Variants in NSRP1 observed in about 807,000 individuals in gnomAD.
NSRP1 encodes the protein coiled-coil domain containing 55.
A neutral mutation model predicts 54.7 loss-of-function variants in NSRP1; 24 were observed. The observed-to-expected ratio is 0.44, with a 90% CI of 0.32 to 0.62. The LOEUF (loss-of-function observed/expected upper bound fraction) is 0.62, where lower values mean the gene tolerates loss of function less well. Ranked by LOEUF, NSRP1 falls within the 20% of genes least tolerant of loss-of-function variation. The pLI is 0.06. For missense variants in NSRP1, 596 were observed against 651.2 expected, an observed-to-expected ratio of 0.92 and a Z score of 0.92; for synonymous variants, 210 against 213.8, an observed-to-expected ratio of 0.98 and a Z score of 0.15.
chr17:30,162,024 C>CTT (rs200678690), intron 2 of NSRP1, among the ~76,000 whole-genome samples: 4 of 127,584 alleles, frequency 3.1e-5, no homozygotes, highest in Non-Finnish European at 4.9e-5. Flanking sequence ...ATAGCCATGT[C>CTT]TTTTTTTTTT....
chr17:30,167,571 T>G (rs1054918818), intron 2 of NSRP1, among the ~76,000 whole-genome samples: 2 of 151,934 alleles, frequency 1.3e-5, no homozygotes, highest in Non-Finnish European at 2.9e-5. Flanking sequence ...ATCGCACCAC[T>G]GCACTCCAGT....
chr17:30,137,798 G>GT (rs1399975355), intron 2 of NSRP1, among the ~76,000 whole-genome samples: 1 of 151,894 alleles, frequency 6.6e-6, no homozygotes, highest in Non-Finnish European at 1.5e-5. Flanking sequence ...CTTAGTCTTG[G>GT]TGTATTATTC....
chr17:30,169,848 A>G (rs1904862028), intron 2 of NSRP1, among the ~76,000 whole-genome samples: 1 of 145,318 alleles, frequency 6.9e-6, no homozygotes, highest in Non-Finnish European at 1.5e-5. Flanking sequence ...ATTACCATGA[A>G]AAAAAAAAAG....
At chr17:30,178,901 C>G (rs1488581804) in intron 4 of NSRP1, among the ~76,000 whole-genome samples, 189 bp from the exon 5 acceptor site, 1 of 151,898 alleles carries the variant, frequency 6.6e-6, no homozygotes, top group African/African-American at 2.4e-5. Context: ...CAATTTCTAT[C>G]TCTGCTACAC....
rs1236967190 is a variant in NSRP1, at chr17:30,185,954, A to T, written c.*280A>T. ...TCCCTGTAGGTACATAATGAGGAAA[A>T]TTTGCTCCACTACAACCATTAAAAA... On this transcript the variant is annotated 3_prime_UTR_variant, in exon 7 of 7. Coordinates refer to ENST00000247026, the MANE Select transcript of NSRP1 (RefSeq NM_032141.4). The T allele has an allele frequency of 8.5e-6, 2 of 234,378 alleles. No individual in the cohort carries two copies. Among genetic ancestry groups the T allele is most frequent in the Non-Finnish European group, 1.6e-5 (2 of 123,062 alleles). The allele number at this position is 234,378 out of a possible 1,614,324, so 14.5% of individuals were successfully genotyped here.
At chr17:30,164,741 T>C (rs573568872) in intron 2 of NSRP1, among the ~76,000 whole-genome samples, 1 of 152,166 alleles carries the variant, frequency 6.6e-6, no homozygotes, top group Non-Finnish European at 1.5e-5. Flanking sequence ...GAGGCTGCAG[T>C]GTGCTGTCTT....
At chr17:30,134,739 A>G (rs1046861223) in intron 2 of NSRP1, among the ~76,000 whole-genome samples, 1 of 152,216 alleles carries the variant, frequency 6.6e-6, no homozygotes, top group Non-Finnish European at 1.5e-5. Flanking sequence ...TAGTTTGTTC[A>G]TAATGGAATT....
At chr17:30,148,061 C>G (rs796864103) in intron 2 of NSRP1, among the ~76,000 whole-genome samples, 12 of 152,190 alleles carry the variant, frequency 7.9e-5, no homozygotes, top group African/African-American at 2.9e-4. Context: ...GTAATCAGCC[C>G]GCCTCAGCCT....
At chr17:30,135,026 A>C (rs931203044) in intron 2 of NSRP1, among the ~76,000 whole-genome samples, 1 of 152,188 alleles carries the variant, frequency 6.6e-6, no homozygotes, top group African/African-American at 2.4e-5. Context: ...TGAACAGTCT[A>C]TCCCAAGGGT....
At chr17:30,175,032 T>A (rs908951297) in intron 3 of NSRP1, among the ~76,000 whole-genome samples, 3 of 152,234 alleles carry the variant, frequency 2.0e-5, no homozygotes, top group African/African-American at 7.2e-5. Flanking sequence ...AATATGATAC[T>A]ATATACATTT....
chr17:30,165,388 A>T (rs1160601295), intron 2 of NSRP1, among the ~76,000 whole-genome samples: 2 of 152,194 alleles, frequency 1.3e-5, no homozygotes, highest in Admixed American at 1.3e-4. Flanking sequence ...CCTGGTGTTG[A>T]TATTGTACTC....
chr17:30,129,450 C>T (rs2071680511), intron 2 of NSRP1, among the ~76,000 whole-genome samples: 1 of 150,890 alleles, frequency 6.6e-6, no homozygotes, highest in Non-Finnish European at 1.5e-5. Flanking sequence ...TTGTGTATTC[C>T]CAAAGTAAGA....
intron 2 of NSRP1, among the ~76,000 whole-genome samples, chr17:30,119,298 A>AT (rs760504923): frequency 6.8e-4 from 103 of 151,260 alleles, no homozygotes; most frequent in Non-Finnish European, 8.4e-4. Flanking sequence ...TATTTTTAAT[A>AT]TTTTTTGTAT....
intron 2 of NSRP1, among the ~76,000 whole-genome samples, chr17:30,171,043 A>C (rs1904912549): frequency 6.6e-6 from 1 of 152,184 alleles, no homozygotes; most frequent in Non-Finnish European, 1.5e-5. Context: ...TGTACTATTA[A>C]GGAAACATAT....
chr17:30,130,767 C>T (rs1280863945), intron 2 of NSRP1, among the ~76,000 whole-genome samples: 1 of 151,960 alleles, frequency 6.6e-6, no homozygotes, highest in Admixed American at 6.6e-5. Flanking sequence ...TTGTTTTTTC[C>T]AGGAATACAC....
intron 6 of NSRP1, among the ~76,000 whole-genome samples, chr17:30,183,994 G>A (rs999119287): frequency 6.6e-6 from 1 of 152,214 alleles, no homozygotes. Context: ...CTGAGGTCAA[G>A]AGTTTGAGAC....
intron 2 of NSRP1, among the ~76,000 whole-genome samples, chr17:30,142,582 T>A (rs1288510361): frequency 6.6e-6 from 1 of 151,960 alleles, no homozygotes; most frequent in Non-Finnish European, 1.5e-5. Context: ...TCCTCCCACC[T>A]CAGTCTCCCA....
intron 2 of NSRP1, among the ~76,000 whole-genome samples, chr17:30,165,233 A>G (rs971181240): frequency 6.6e-6 from 1 of 152,192 alleles, no homozygotes; most frequent in Admixed American, 6.5e-5. Context: ...GGTGACTAGT[A>G]CAATTAAGTA....
chr17:30,118,659 C>T (rs1434739788), intron 2 of NSRP1, among the ~76,000 whole-genome samples: 1 of 151,700 alleles, frequency 6.6e-6, no homozygotes, highest in Non-Finnish European at 1.5e-5. Context: ...CATCTAATAT[C>T]AACATTTTCT....
Sources: allele counts gnomAD v4.1 joint callset (sites outside exome capture counted in the v4.1 genomes callset), GRCh38; gene constraint gnomAD v4.1.1; transcripts MANE v1.5; gene names NCBI Gene and HGNC (gene_info 2026-07-23, HGNC 2026-07-21).